Variants in PDE4D observed in about 807,000 individuals in gnomAD.
The protein encoded by PDE4D is 3',5'-cyclic-AMP phosphodiesterase 4D.
Under a neutral mutation model 87.4 loss-of-function variants are expected in PDE4D, and 24 were observed. That is an observed-to-expected ratio of 0.27 (90% confidence interval 0.20 to 0.39). The LOEUF (loss-of-function observed/expected upper bound fraction) is 0.39, where lower values mean the gene tolerates loss of function less well. Among genes scored for constraint, PDE4D ranks in the 10% least tolerant of loss-of-function variants. The pLI, the probability that PDE4D is intolerant of heterozygous loss-of-function variation, is 1.00. For missense variants in PDE4D, 714 were observed against 1,041.0 expected (o/e 0.69, Z 4.32); for synonymous variants, 384 against 383.2 (o/e 1.00, Z -0.02).
chr5:60,130,060 G>C (rs960740748), intron 2 of PDE4D, among the ~76,000 whole-genome samples: 1 of 152,130 alleles, frequency 6.6e-6, no homozygotes, highest in Non-Finnish European at 1.5e-5. Flanking sequence ...ACCATGTGAG[G>C]ACACAGGTAG....
At chr5:60,121,923 G>C (rs1248439004) in intron 2 of PDE4D, among the ~76,000 whole-genome samples, 1 of 152,182 alleles carries the variant, frequency 6.6e-6, no homozygotes, top group African/African-American at 2.4e-5. Flanking sequence ...GACAATGCAG[G>C]TACAGGTAGT....
intron 1 of PDE4D, among the ~76,000 whole-genome samples, chr5:59,396,290 C>T (rs1227309465): frequency 2.9e-5 from 3 of 103,640 alleles, no homozygotes; most frequent in African/African-American, 1.3e-4. Context: ...TCAGATTCAC[C>T]AAAGTTGAAA....
At chr5:59,011,109 G>C (rs1042474846) in intron 6 of PDE4D, among the ~76,000 whole-genome samples, 9 of 152,062 alleles carry the variant, frequency 5.9e-5, no homozygotes, top group Admixed American at 4.6e-4. Context: ...CTAACAAACA[G>C]AAAGGGCATC....
intron 1 of PDE4D, among the ~76,000 whole-genome samples, chr5:59,296,503 G>A (rs1296952879): frequency 2.0e-5 from 3 of 152,034 alleles, no homozygotes; most frequent in Admixed American, 6.6e-5. Context: ...TGTTACATAA[G>A]CCAGAGAAGG....
At chr5:60,295,167 A>G (rs1358204654) in intron 1 of PDE4D, among the ~76,000 whole-genome samples, 2 of 152,166 alleles carry the variant, frequency 1.3e-5, no homozygotes, top group Admixed American at 6.5e-5. Context: ...TGTCCATTGT[A>G]TTTATAAACA....
chr5:60,195,093 C>T (rs1258582352), intron 1 of PDE4D, among the ~76,000 whole-genome samples: 1 of 151,568 alleles, frequency 6.6e-6, no homozygotes, highest in Non-Finnish European at 1.5e-5. Flanking sequence ...ACCCCATAGC[C>T]ATGCTCTTCT....
intron 1 of PDE4D, chr5:59,529,164 C>A (rs1491001096): frequency 4.1e-6 from 2 of 482,120 alleles, no homozygotes; most frequent in Non-Finnish European, 4.1e-6. Flanking sequence ...CCCTCTTCTT[C>A]TGGTATTATG....
chr5:59,871,901 G>T (rs1032335535), intron 1 of PDE4D, among the ~76,000 whole-genome samples: 1 of 152,010 alleles, frequency 6.6e-6, no homozygotes, highest in Non-Finnish European at 1.5e-5. Flanking sequence ...TCACCAAATC[G>T]TACTACTTCC....
At chr5:59,835,629 A>C (rs1741904864) in intron 1 of PDE4D, among the ~76,000 whole-genome samples, 1 of 152,106 alleles carries the variant, frequency 6.6e-6, no homozygotes, top group Non-Finnish European at 1.5e-5. Context: ...TTATGTTAAT[A>C]AGTAATTCAT....
At chr5:59,565,678 C>T (rs1008119481) in intron 1 of PDE4D, among the ~76,000 whole-genome samples, 3 of 152,216 alleles carry the variant, frequency 2.0e-5, no homozygotes, top group African/African-American at 7.2e-5. Flanking sequence ...TGCTCCTTGG[C>T]TTCAAGTACA....
At chr5:60,241,827 ATTTAACCCGAAGAAGACTAATGCAGGTGT>A (rs1676589660) in intron 1 of PDE4D, among the ~76,000 whole-genome samples, 1 of 152,114 alleles carries the variant, frequency 6.6e-6, no homozygotes, top group South Asian at 2.1e-4. Context: ...CACCAAGCAG[ATTTAACCCGAAGAAGACTAATGCAGGTGT>A]TTAATAATCA....
intron 2 of PDE4D, among the ~76,000 whole-genome samples, chr5:60,072,807 G>A (rs1454369266): frequency 6.6e-6 from 1 of 152,058 alleles, no homozygotes; most frequent in Non-Finnish European, 1.5e-5. Flanking sequence ...GGTTGTAGGT[G>A]TGCAGCCTTA....
At chr5:60,323,321 C>T (rs1345800488) in intron 1 of PDE4D, among the ~76,000 whole-genome samples, 2 of 152,240 alleles carry the variant, frequency 1.3e-5, no homozygotes, top group Non-Finnish European at 2.9e-5. Flanking sequence ...CCTTCCAAAT[C>T]TGATCTGCTT....
intron 1 of PDE4D, among the ~76,000 whole-genome samples, chr5:59,839,656 A>G (rs1179416822): frequency 3.9e-5 from 6 of 152,110 alleles, no homozygotes; most frequent in Admixed American, 3.9e-4. Context: ...ATATGGTGGA[A>G]GTGTAATGTG....
intron 1 of PDE4D, among the ~76,000 whole-genome samples, chr5:60,302,213 CT>C (rs984434305): frequency 9.9e-5 from 15 of 151,758 alleles, no homozygotes; most frequent in African/African-American, 3.1e-4. Flanking sequence ...GGAGTCCCTC[CT>C]TTTTTTTGGA....
chr5:59,707,369 G>C (rs1753580326), intron 1 of PDE4D, among the ~76,000 whole-genome samples: 1 of 152,074 alleles, frequency 6.6e-6, no homozygotes, highest in Non-Finnish European at 1.5e-5. Flanking sequence ...TGCCTTTATG[G>C]AGCTCTCAGT....
At chr5:59,462,340 A>G in intron 1 of PDE4D, among the ~76,000 whole-genome samples, 1 of 151,962 alleles carries the variant, frequency 6.6e-6, no homozygotes, top group Non-Finnish European at 1.5e-5. Context: ...GTCTCTAGGT[A>G]GTACCAAGAT....
chr5:59,482,790 T>C (rs1804496781), intron 1 of PDE4D, among the ~76,000 whole-genome samples: 1 of 152,134 alleles, frequency 6.6e-6, no homozygotes, highest in African/African-American at 2.4e-5. Context: ...ATAACCATCA[T>C]TTTTCTATTT....
intron 1 of PDE4D, among the ~76,000 whole-genome samples, chr5:59,280,269 G>A (rs1765578600): frequency 6.6e-6 from 1 of 152,028 alleles, no homozygotes; most frequent in African/African-American, 2.4e-5. Context: ...ATTTTAAAAG[G>A]TAACAATACG....
Sources: gnomAD v4.1 joint callset for allele counts (sites outside exome capture counted in the v4.1 genomes callset) on GRCh38, gnomAD v4.1.1 for gene constraint, MANE v1.5 for transcripts, NCBI Gene and HGNC (gene_info 2026-07-23, HGNC 2026-07-21) for gene names.